Variants in LPAR6 observed in about 807,000 individuals in gnomAD.
LPAR6 encodes lysophosphatidic acid receptor 6.
A neutral mutation model predicts 22.0 loss-of-function variants in LPAR6; 17 were observed. That is an observed-to-expected ratio of 0.77 (90% CI 0.53 to 1.16). The LOEUF (loss-of-function observed/expected upper bound fraction) is 1.16. LPAR6 is among the 50% of genes most tolerant of loss of function. The pLI is 0.00. For synonymous variants in LPAR6, 136 were observed against 139.8 expected (o/e 0.97, Z 0.19); for missense variants, 384 against 406.9 (o/e 0.94, Z 0.48).
intron 1 of LPAR6, among the ~76,000 whole-genome samples, chr13:48,394,821 T>A (rs1269932332): frequency 6.6e-6 from 1 of 152,188 alleles, no homozygotes; most frequent in East Asian, 1.9e-4. Flanking sequence ...GGACACATCT[T>A]CAGCAGACTT....
intron 1 of LPAR6, among the ~76,000 whole-genome samples, chr13:48,424,855 C>T (rs957293225): frequency 6.6e-6 from 1 of 152,062 alleles, no homozygotes; most frequent in African/African-American, 2.4e-5. Flanking sequence ...GAGTTTGAAA[C>T]CAGCCTGGCC....
upstream of LPAR6, among the ~76,000 whole-genome samples, chr13:48,417,730 G>T (rs981764898): frequency 6.6e-6 from 1 of 152,056 alleles, no homozygotes; most frequent in Non-Finnish European, 1.5e-5. Context: ...CAAGAACTTC[G>T]TGAAGCATAC....
chr13:48,423,878 T>G (rs1949043418), intron 1 of LPAR6: 1 of 152,190 alleles, frequency 6.6e-6, no homozygotes, highest in African/African-American at 2.4e-5. Context: ...CACCTATGAA[T>G]AGCCACAGCA....
At chr13:48,421,290 G>A (rs1949001365) in intron 2 of LPAR6, among the ~76,000 whole-genome samples, 1 of 152,070 alleles carries the variant, frequency 6.6e-6, no homozygotes, top group Non-Finnish European at 1.5e-5. Context: ...TTAATAAATG[G>A]TGTTGGGAAA....
upstream of LPAR6, among the ~76,000 whole-genome samples, chr13:48,414,954 T>C (rs1473647649): frequency 1.3e-5 from 2 of 152,124 alleles, no homozygotes; most frequent in African/African-American, 2.4e-5. Flanking sequence ...TGTATTCTCA[T>C]TGGAAAAAAT....
chr13:48,390,060 T>C lies in LPAR6; in HGVS notation n.115-248A>G, dbSNP rs4942763. Among the ~76,000 whole-genome samples, 1,376 of 152,058 alleles carry C rather than the reference T, an allele frequency of 9.0e-3. 69 individuals carry two copies. The highest frequency in any genetic ancestry group is 0.08 in the Admixed American group (1,216 of 15,262). ...TTCTTGGGAGGCTGAACTGGGAGAA[T>C]TGCCTGAGCCTGGGATGTTAAGGCT... On this transcript the variant is annotated intron_variant and non_coding_transcript_variant, in intron 1 of 1. Coordinates refer to the LPAR6 transcript ENST00000462781.
intron 1 of LPAR6, chr13:48,439,696 C>G (rs1210489196): frequency 6.6e-6 from 1 of 152,138 alleles, no homozygotes; most frequent in Non-Finnish European, 1.5e-5. Flanking sequence ...TAGAGAATTT[C>G]TGAGATTCAC....
chr13:48,395,713 C>T (rs1948642609), intron 1 of LPAR6, among the ~76,000 whole-genome samples: 1 of 152,006 alleles, frequency 6.6e-6, no homozygotes, highest in Non-Finnish European at 1.5e-5. Flanking sequence ...ACAAAGCCTC[C>T]AAGAAATAGG....
Position 48,444,060 on chromosome 13 carries a change from C to T in LPAR6, c.-1474+493G>A, listed in dbSNP as rs145310335. Among the ~76,000 whole-genome samples, 9 of 152,282 alleles carry T rather than the reference C, an allele frequency of 5.9e-5. No individual in the cohort carries two copies. In the East Asian group the frequency reaches 1.7e-3, roughly 29 times the overall value. ...TCCTCCAACTCAGTTCTGATACTGT[C>T]TACTTGGAGATAGTGTCAGATCCCA... is the stretch of plus-strand genomic sequence containing the variant. On this transcript the variant is annotated intron_variant, in intron 1 of 6. Transcript: ENST00000378434.
At chr13:48,420,315 G>A (rs376511631) in intron 2 of LPAR6, among the ~76,000 whole-genome samples, 3 of 152,260 alleles carry the variant, frequency 2.0e-5, no homozygotes, top group Non-Finnish European at 2.9e-5. Flanking sequence ...ATGCAGAAAA[G>A]GCCATTGATG....
chr13:48,406,272 A>G (rs1948738844), downstream of LPAR6, among the ~76,000 whole-genome samples: 1 of 152,070 alleles, frequency 6.6e-6, no homozygotes, highest in South Asian at 2.1e-4. Context: ...TTTCATTCCC[A>G]CCAGAAATGT....
chr13:48,414,342 CAA>C (rs199626771), upstream of LPAR6, among the ~76,000 whole-genome samples: 1,319 of 93,056 alleles, frequency 0.014, 15 homozygotes, highest in African/African-American at 0.045. Context: ...GAGACTATCT[CAA>C]AAAAAAAAAA....
chr13:48,423,718 G>C (rs1231953248), intron 1 of LPAR6, among the ~76,000 whole-genome samples: 1 of 152,178 alleles, frequency 6.6e-6, no homozygotes, highest in Non-Finnish European at 1.5e-5. Flanking sequence ...GAGTATGTGA[G>C]ACTTAAAACA....
intron 1 of LPAR6, among the ~76,000 whole-genome samples, chr13:48,398,084 A>G (rs1404019008): frequency 6.6e-6 from 1 of 152,228 alleles, no homozygotes; most frequent in Admixed American, 6.5e-5. Context: ...ATGAAGCAGT[A>G]TGATGCCATA....
intron 1 of LPAR6, among the ~76,000 whole-genome samples, chr13:48,392,832 A>G (rs1403437241): frequency 6.6e-6 from 1 of 151,820 alleles, no homozygotes; most frequent in African/African-American, 2.4e-5. Context: ...TAGGTGCCAG[A>G]TATCATGAAT....
chr13:48,419,859 A>C (rs552136960), intron 2 of LPAR6, among the ~76,000 whole-genome samples: 55 of 152,366 alleles, frequency 3.6e-4, no homozygotes, highest in Non-Finnish European at 6.9e-4. Flanking sequence ...ATCCCTGAAT[A>C]GACCAATAAC....
intron 1 of LPAR6, among the ~76,000 whole-genome samples, chr13:48,397,631 T>C (rs1751263987): frequency 6.6e-6 from 1 of 152,176 alleles, no homozygotes. Context: ...ATCCTAGAAC[T>C]TAAAGTATAA....
At chr13:48,396,628 A>C (rs1027121054) in intron 1 of LPAR6, among the ~76,000 whole-genome samples, 1 of 152,240 alleles carries the variant, frequency 6.6e-6, no homozygotes, top group Non-Finnish European at 1.5e-5. Context: ...AATGGCAACA[A>C]AAGCCAAAAT....
intron 1 of LPAR6, among the ~76,000 whole-genome samples, chr13:48,435,852 A>T (rs1949177936): frequency 6.6e-6 from 1 of 152,140 alleles, no homozygotes; most frequent in Non-Finnish European, 1.5e-5. Flanking sequence ...ATCTTTGTCA[A>T]AAAGGGAACA....
Sources: gnomAD v4.1 joint callset for allele counts (sites outside exome capture counted in the v4.1 genomes callset) on GRCh38, gnomAD v4.1.1 for gene constraint, MANE v1.5 for transcripts, NCBI Gene and HGNC (gene_info 2026-07-23, HGNC 2026-07-21) for gene names.